Variants in LYPD6B observed in about 807,000 individuals in gnomAD.
LYPD6B encodes LY6/PLAUR domain containing 6B.
In LYPD6B, 17 loss-of-function variants were observed where a neutral mutation model predicts 22.8. That is an observed-to-expected ratio of 0.75 (90% CI 0.51 to 1.12). LYPD6B has a LOEUF of 1.12. LYPD6B is among the 50% of genes most tolerant of loss of function. The pLI is 0.00. For missense variants in LYPD6B, 221 were observed against 258.3 expected, an observed-to-expected ratio of 0.86 and a Z score of 0.99; for synonymous variants, 106 against 91.6, an observed-to-expected ratio of 1.16 and a Z score of -0.90.
chr2:149,133,408 C>G lies in LYPD6B; in HGVS notation c.5+2455C>G, dbSNP rs532818957. ...GGATCTTAGTACCTTTCCTTCCTCC[C>G]TGTCCTTTGACTTTAGGTGCTGGAA... On this transcript the variant is annotated intron_variant, in intron 2 of 6. Coordinates refer to ENST00000409642, the MANE Select transcript of LYPD6B (RefSeq NM_177964.5). 1.5e-4 allele frequency among the ~76,000 whole-genome samples: 23 copies of G among 152,326 alleles called. 1 individual carries two copies. The East Asian group carries it at 3.1e-3, about 20-fold the overall frequency.
chr2:149,154,626 T>C (rs1689581743), intron 2 of LYPD6B, among the ~76,000 whole-genome samples: 2 of 152,166 alleles, frequency 1.3e-5, no homozygotes, highest in Admixed American at 1.3e-4. Context: ...AAGATAGATA[T>C]TCATTGAGAA....
intron 5 of LYPD6B, among the ~76,000 whole-genome samples, chr2:149,211,022 T>G (rs1205900995): frequency 6.6e-6 from 1 of 152,102 alleles, no homozygotes; most frequent in African/African-American, 2.4e-5. Flanking sequence ...TGGGGAGGGC[T>G]CAGGAAACTT....
At chr2:149,178,313 G>T (rs1691464389) in intron 3 of LYPD6B, among the ~76,000 whole-genome samples, 1 of 152,102 alleles carries the variant, frequency 6.6e-6, no homozygotes, top group Admixed American at 6.5e-5. Flanking sequence ...TTCATATTTA[G>T]TTTTCATCTT....
chr2:149,088,014 A>G (rs80116136), intron 1 of LYPD6B, among the ~76,000 whole-genome samples: 149 of 151,730 alleles, frequency 9.8e-4, no homozygotes, highest in African/African-American at 3.5e-3. Flanking sequence ...GTCCCTTTCA[A>G]CTCCCATCCA....
chr2:149,108,126 C>T (rs1026912581), intron 1 of LYPD6B, among the ~76,000 whole-genome samples: 10 of 152,184 alleles, frequency 6.6e-5, no homozygotes, highest in East Asian at 3.9e-4. Flanking sequence ...GTAAGTCTCA[C>T]AAGATCTGAT....
At chr2:149,210,565 C>T (rs547518922) in intron 5 of LYPD6B, among the ~76,000 whole-genome samples, 106 of 152,338 alleles carry the variant, frequency 7.0e-4, no homozygotes, top group African/African-American at 2.4e-3. Context: ...GGCTATTGTT[C>T]TTTGTCATCT....
Position 149,164,325 on chromosome 2 carries a change from T to C in LYPD6B, c.77+3490T>C, listed in dbSNP as rs558959789. 2.0e-5 allele frequency among the ~76,000 whole-genome samples: 3 copies of C among 152,208 alleles called. No homozygotes were observed. The East Asian group carries it at 5.8e-4, about 29-fold the overall frequency. On this transcript the variant is annotated intron_variant, in intron 3 of 6. Coordinates refer to ENST00000409642, the MANE Select transcript of LYPD6B (RefSeq NM_177964.5). ...TGTTTTGGGGTGGCATATCCTGAAGTCCTTCACTTGCTTTTACCAGCAGAA... is the reference window on the plus strand; with the variant it reads ...TGTTTTGGGGTGGCATATCCTGAAGCCCTTCACTTGCTTTTACCAGCAGAA...
At chr2:149,071,372 T>C (rs531192565) in intron 1 of LYPD6B, among the ~76,000 whole-genome samples, 7 of 152,318 alleles carry the variant, frequency 4.6e-5, no homozygotes, top group Middle Eastern at 3.4e-3. Context: ...AGGTAAAGGA[T>C]GGGAATCACT....
At chr2:149,116,423 T>A (rs1403513950) in intron 1 of LYPD6B, among the ~76,000 whole-genome samples, 1 of 152,174 alleles carries the variant, frequency 6.6e-6, no homozygotes, top group Non-Finnish European at 1.5e-5. Flanking sequence ...AGAACCTAGC[T>A]TAACCATACT....
chr2:149,054,828 A>T (rs1383803357), intron 1 of LYPD6B, among the ~76,000 whole-genome samples: 4 of 152,044 alleles, frequency 2.6e-5, no homozygotes, highest in Non-Finnish European at 5.9e-5. Context: ...GCAGTGAGCC[A>T]TGATTGCACT....
chr2:149,171,727 G>T (rs932338786), intron 3 of LYPD6B, among the ~76,000 whole-genome samples: 4 of 152,174 alleles, frequency 2.6e-5, no homozygotes, highest in African/African-American at 9.6e-5. Flanking sequence ...ACTATTTAAA[G>T]ATGTAAGAAC....
intron 2 of LYPD6B, among the ~76,000 whole-genome samples, chr2:149,151,362 G>A (rs1689363625): frequency 6.6e-6 from 1 of 152,108 alleles, no homozygotes; most frequent in Non-Finnish European, 1.5e-5. Flanking sequence ...TCAGACTGTG[G>A]CTGAATCTCC....
chr2:149,126,522 A>C (rs569418102), intron 1 of LYPD6B, among the ~76,000 whole-genome samples: 14 of 152,036 alleles, frequency 9.2e-5, no homozygotes, highest in South Asian at 8.3e-4. Flanking sequence ...TAAAGTGAAA[A>C]GTACGGATAA....
intron 1 of LYPD6B, among the ~76,000 whole-genome samples, chr2:149,115,748 C>T (rs1686974058): frequency 6.6e-6 from 1 of 152,158 alleles, no homozygotes; most frequent in Non-Finnish European, 1.5e-5. Flanking sequence ...AGAAATAGAC[C>T]AATATATCAG....
At chr2:149,044,841 CT>C (rs35577628) in intron 1 of LYPD6B, among the ~76,000 whole-genome samples, 141,978 of 152,022 alleles carry the variant, frequency 0.93, 67,088 homozygotes, top group East Asian at 1. Flanking sequence ...TTATTGAATG[CT>C]TTTTTTACCA....
At chr2:149,157,035 G>T (rs532315742) in intron 2 of LYPD6B, among the ~76,000 whole-genome samples, 3 of 152,112 alleles carry the variant, frequency 2.0e-5, no homozygotes, top group African/African-American at 7.2e-5. Context: ...CAAATTTTGC[G>T]TCTCATCTAT....
At chr2:149,056,074 T>C (rs1446210550) in intron 1 of LYPD6B, among the ~76,000 whole-genome samples, 1 of 152,238 alleles carries the variant, frequency 6.6e-6, no homozygotes, top group African/African-American at 2.4e-5. Flanking sequence ...CTTTGTCCTG[T>C]GCATAGGGAG....
chr2:149,063,254 T>A (rs990566596), intron 1 of LYPD6B, among the ~76,000 whole-genome samples: 1 of 152,206 alleles, frequency 6.6e-6, no homozygotes, highest in Non-Finnish European at 1.5e-5. Flanking sequence ...TTTATTTTTT[T>A]CGGGCCAAGG....
chr2:149,047,597 G>A (rs979508127), intron 1 of LYPD6B, among the ~76,000 whole-genome samples: 14 of 151,938 alleles, frequency 9.2e-5, no homozygotes, highest in Non-Finnish European at 1.3e-4. Context: ...GTATGCATGC[G>A]TGCACACTCT....
Sources: allele counts gnomAD v4.1 joint callset (sites outside exome capture counted in the v4.1 genomes callset), GRCh38; gene constraint gnomAD v4.1.1; transcripts MANE v1.5; gene names NCBI Gene and HGNC (gene_info 2026-07-23, HGNC 2026-07-21).